The following KCNK2 variants were observed in gnomAD, a reference collection of about 807,000 sequenced individuals.
KCNK2 encodes the protein potassium channel subfamily K member 2.
In KCNK2, 21 loss-of-function variants were observed where a neutral mutation model predicts 40.5. The observed-to-expected ratio is 0.52, with a 90% confidence interval of 0.37 to 0.75. KCNK2 has a LOEUF of 0.75. Among genes scored for constraint, KCNK2 ranks in the 30% least tolerant of loss-of-function variants. The pLI, the probability that KCNK2 is intolerant of heterozygous loss-of-function variation, is 0.00. For synonymous variants in KCNK2, 191 were observed against 202.2 expected, an observed-to-expected ratio of 0.94 and a Z score of 0.47; for missense variants, 399 against 531.6, an observed-to-expected ratio of 0.75 and a Z score of 2.45.
chr1:215,020,655 A>G (rs1656757498), intron 1 of KCNK2, among the ~76,000 whole-genome samples: 1 of 152,124 alleles, frequency 6.6e-6, no homozygotes, highest in Non-Finnish European at 1.5e-5. Context: ...TGAACTCCTG[A>G]GCTCAGGCAA....
exon 1 of KCNK2, chr1:215,005,897 T>C (rs139798249): frequency 6.2e-7 from 1 of 1,610,816 alleles, no homozygotes; most frequent in Admixed American, 1.7e-5. Context: ...AAAAGCATGA[T>C]GACTCCTGAT....
At chr1:215,197,326 T>G (rs1226887059) in intron 6 of KCNK2, among the ~76,000 whole-genome samples, 1 of 152,140 alleles carries the variant, frequency 6.6e-6, no homozygotes, top group Non-Finnish European at 1.5e-5. Flanking sequence ...TCCTCACAAT[T>G]CTGGAAGCTA....
rs374706641 is a variant in KCNK2, at chr1:215,105,404, G to A, written c.357+18726G>A. ...CATCCATGTTGTAGCATGTAACAGG[G>A]TTTCCTTCCTATTTAGGGATGGATC... On this transcript the variant is annotated intron_variant, in intron 2 of 6. Coordinates refer to ENST00000444842, the MANE Select transcript of KCNK2 (RefSeq NM_001017425.3). Among the ~76,000 whole-genome samples, 93 of 152,090 alleles carry A rather than the reference G, an allele frequency of 6.1e-4. 1 individual carries two copies. The South Asian group carries it at 0.019, about 31-fold the overall frequency.
At chr1:215,213,025 C>T (rs1186607539) in intron 6 of KCNK2, among the ~76,000 whole-genome samples, 1 of 152,050 alleles carries the variant, frequency 6.6e-6, no homozygotes, top group Admixed American at 6.6e-5. Flanking sequence ...TCTCACAGTT[C>T]GAGAGGGAAA....
intron 2 of KCNK2, among the ~76,000 whole-genome samples, chr1:215,116,870 C>A (rs919865513): frequency 2.6e-5 from 4 of 151,624 alleles, no homozygotes; most frequent in African/African-American, 9.7e-5. Context: ...GGGGGGGGAA[C>A]CTTGAAAATA....
intron 5 of KCNK2, among the ~76,000 whole-genome samples, chr1:215,177,696 T>C (rs1664033977): frequency 6.8e-6 from 1 of 147,048 alleles, no homozygotes; most frequent in Non-Finnish European, 1.5e-5. Flanking sequence ...TTCTCTATTC[T>C]GCTCCACTGG....
intron 6 of KCNK2, among the ~76,000 whole-genome samples, chr1:215,227,367 T>A (rs1437124111): frequency 6.6e-6 from 1 of 152,106 alleles, no homozygotes; most frequent in Non-Finnish European, 1.5e-5. Flanking sequence ...AGAGAGGGAC[T>A]GGGAAACAGC....
At chr1:215,076,666 A>G (rs1298581176) in intron 1 of KCNK2, among the ~76,000 whole-genome samples, 1 of 152,182 alleles carries the variant, frequency 6.6e-6, no homozygotes, top group East Asian at 1.9e-4. Flanking sequence ...GGGATATTCC[A>G]TCACTTGTGC....
chr1:215,032,401 C>G lies in KCNK2; in HGVS notation c.34+26446C>G, dbSNP rs138256382. Reference sequence around the variant, plus strand: ...CCAGCCTGGGTGACAGAGTGAGATCCCATCTCAAAACAAAAACAAAAACAA... The same window carrying G: ...CCAGCCTGGGTGACAGAGTGAGATCGCATCTCAAAACAAAAACAAAAACAA... On this transcript the variant is annotated intron_variant, in intron 1 of 6. Transcript: ENST00000391895. 1.3e-4 allele frequency among the ~76,000 whole-genome samples: 20 copies of G among 151,970 alleles called. No homozygotes were observed. In the East Asian group the frequency reaches 3.9e-3, roughly 29 times the overall value.
At chr1:215,030,222 C>T (rs1017494958) in intron 1 of KCNK2, among the ~76,000 whole-genome samples, 3 of 152,148 alleles carry the variant, frequency 2.0e-5, no homozygotes, top group Non-Finnish European at 2.9e-5. Context: ...GTGTCTGTTA[C>T]GGTCTTTGAC....
intron 5 of KCNK2, among the ~76,000 whole-genome samples, chr1:215,178,850 G>C (rs1358926293): frequency 6.6e-6 from 1 of 152,124 alleles, no homozygotes; most frequent in Non-Finnish European, 1.5e-5. Flanking sequence ...TCAAAGTGAT[G>C]CTTGCTTCAT....
upstream of KCNK2, among the ~76,000 whole-genome samples, chr1:215,079,061 A>T (rs1659051772): frequency 6.6e-6 from 1 of 152,226 alleles, no homozygotes. Context: ...ATAGATCTGA[A>T]AGCACCAGAA....
intron 3 of KCNK2, among the ~76,000 whole-genome samples, chr1:215,139,999 A>G (rs1662104895): frequency 6.6e-6 from 1 of 152,212 alleles, no homozygotes; most frequent in Non-Finnish European, 1.5e-5. Context: ...TTATACCATA[A>G]TCACTGATTT....
At chr1:215,150,764 A>G (rs1184499545) in intron 3 of KCNK2, among the ~76,000 whole-genome samples, 1 of 151,724 alleles carries the variant, frequency 6.6e-6, no homozygotes, top group African/African-American at 2.4e-5. Context: ...TCTTTATTCA[A>G]TTTTCAATAT....
At position 215,099,853 on chromosome 1, in the gene KCNK2, T is replaced by A. The variant is rs571975787; in HGVS notation, c.357+13175T>A. On this transcript the variant is annotated intron_variant, in intron 2 of 6. Transcript: ENST00000444842. The stretch of plus-strand genomic sequence containing the variant: ...TTCCTTAGAGGAAGAAGGGAATTCA[T>A]CAAGAACTCATAATTGTTAAAACAG... 4.6e-5 allele frequency among the ~76,000 whole-genome samples: 7 copies of A among 152,166 alleles called. No homozygotes were observed. The South Asian group carries it at 1.5e-3, about 32-fold the overall frequency.
At chr1:215,057,880 A>C (rs1407982307) in intron 1 of KCNK2, among the ~76,000 whole-genome samples, 1 of 152,106 alleles carries the variant, frequency 6.6e-6, no homozygotes, top group Non-Finnish European at 1.5e-5. Context: ...CTTACAGGGA[A>C]GCTGCAAGAA....
chr1:215,168,497 T>G (rs979781135), intron 3 of KCNK2, among the ~76,000 whole-genome samples: 3 of 152,280 alleles, frequency 2.0e-5, no homozygotes, highest in Admixed American at 2.0e-4. Flanking sequence ...ATGTGGTACA[T>G]ATACACCATG....
At position 215,083,007 on chromosome 1, in the gene KCNK2, G is replaced by C. The variant is rs1374956835; in HGVS notation, c.-379G>C. The C allele has an allele frequency of 6.5e-6, 1 of 154,698 alleles. No homozygotes were observed. Among genetic ancestry groups the C allele is most frequent in the Non-Finnish European group, 1.4e-5 (1 of 73,162 alleles). The allele number at this position is 154,698 out of a possible 1,614,324, so 9.6% of individuals were successfully genotyped here. A position where few individuals can be genotyped will look rare whatever the true frequency, so the allele number is the denominator to read the frequency against. ...AGCAGCCCGGGGCTGAGCGCGTGGCGGCGGCGGCGGCGGCGGCGGCGGCGG... is the reference window on the plus strand; with the variant it reads ...AGCAGCCCGGGGCTGAGCGCGTGGCCGCGGCGGCGGCGGCGGCGGCGGCGG... On this transcript the variant is annotated 5_prime_UTR_variant, in exon 1 of 7. Transcript: ENST00000444842.
intron 1 of KCNK2, among the ~76,000 whole-genome samples, chr1:215,057,742 A>T (rs2102504918): frequency 6.6e-6 from 1 of 152,208 alleles, no homozygotes; most frequent in Non-Finnish European, 1.5e-5. Flanking sequence ...GCAGTGGAGG[A>T]TAGGATGAGA....
Sources: allele counts gnomAD v4.1 joint callset (sites outside exome capture counted in the v4.1 genomes callset), GRCh38; gene constraint gnomAD v4.1.1; transcripts MANE v1.5; gene names NCBI Gene and HGNC (gene_info 2026-07-23, HGNC 2026-07-21).